NBEA: variants seen among roughly 807,000 people sequenced by gnomAD.
NBEA encodes neurobeachin.
In NBEA, 44 loss-of-function variants were observed where a neutral mutation model predicts 343.4. The observed-to-expected ratio is 0.13, with a 90% CI of 0.10 to 0.16. The LOEUF is 0.16. NBEA is among the 10% of genes least tolerant of loss of function. The pLI, the probability that NBEA is intolerant of heterozygous loss-of-function variation, is 1.00. For synonymous variants in NBEA, 1,175 were observed against 1,238.7 expected (o/e 0.95, Z 1.08); for missense variants, 2,555 against 3,631.3 (o/e 0.70, Z 7.62).
chr13:35,013,557 G>A (rs771999870), intron 1 of NBEA, among the ~76,000 whole-genome samples: 1 of 150,496 alleles, frequency 6.6e-6, no homozygotes, highest in Non-Finnish European at 1.5e-5. Flanking sequence ...TGCAACCTCT[G>A]CCTCCCAGGT....
intron 34 of NBEA, among the ~76,000 whole-genome samples, chr13:35,234,793 T>C (rs922547609): frequency 6.6e-6 from 1 of 152,174 alleles, no homozygotes; most frequent in African/African-American, 2.4e-5. Context: ...TTACCTAGCA[T>C]AGACATCTAA....
At chr13:35,483,671 A>G (rs1357849666) in intron 41 of NBEA, among the ~76,000 whole-genome samples, 2 of 152,080 alleles carry the variant, frequency 1.3e-5, no homozygotes, top group African/African-American at 4.8e-5. Context: ...TTCCCCCAAG[A>G]TATACAAATT....
chr13:35,278,885 T>A (rs1172727419), intron 34 of NBEA, among the ~76,000 whole-genome samples: 1 of 152,222 alleles, frequency 6.6e-6, no homozygotes, highest in African/African-American at 2.4e-5. Context: ...ACATACAATA[T>A]GTAAAAGAAT....
intron 34 of NBEA, among the ~76,000 whole-genome samples, chr13:35,260,426 C>T (rs1367228107): frequency 2.0e-5 from 3 of 152,180 alleles, no homozygotes; most frequent in African/African-American, 7.2e-5. Context: ...GAACAGTAGG[C>T]CTCAGATAAC....
chr13:35,070,582 T>C, intron 9 of NBEA, 137 bp from the exon 10 acceptor site: 1 of 759,018 alleles, frequency 1.3e-6, no homozygotes, highest in Non-Finnish European at 1.9e-6. Context: ...GTCTTATATG[T>C]GTATAAAAAT....
intron 34 of NBEA, among the ~76,000 whole-genome samples, chr13:35,238,892 A>G (rs1405217627): frequency 6.6e-6 from 1 of 152,140 alleles, no homozygotes; most frequent in Non-Finnish European, 1.5e-5. Flanking sequence ...CCTTCACCAA[A>G]GAGGATATCA....
In NBEA at chr13:35,475,263, G is replaced by C. The variant is rs764311301; in HGVS notation, c.6585+2727G>C. The stretch of plus-strand genomic sequence containing the variant: ...TCAGCCGATCACCCAGGCAAGACTC[G>C]TCCCAGTCCGACTCTCGGGGATGCT... On this transcript the variant is annotated intron_variant, in intron 41 of 58. Transcript: ENST00000379939. 11 of 1,614,000 alleles carry C rather than the reference G, an allele frequency of 6.8e-6. No individual in the cohort carries two copies. The Admixed American group carries it at 1.3e-4, about 20-fold the overall frequency.
chr13:35,206,402 A>G (rs1272255640), intron 31 of NBEA, among the ~76,000 whole-genome samples: 3 of 152,162 alleles, frequency 2.0e-5, no homozygotes, highest in Non-Finnish European at 1.5e-5. Flanking sequence ...TTCTAAAAAA[A>G]TCATGAGAGA....
At chr13:35,257,422 T>C (rs2032738691) in intron 34 of NBEA, among the ~76,000 whole-genome samples, 1 of 152,224 alleles carries the variant, frequency 6.6e-6, no homozygotes, top group South Asian at 2.1e-4. Flanking sequence ...CATAAAATAG[T>C]CACCTAACTT....
chr13:35,456,213 A>G (rs896200201), intron 40 of NBEA, among the ~76,000 whole-genome samples: 1 of 151,976 alleles, frequency 6.6e-6, no homozygotes, highest in Admixed American at 6.6e-5. Flanking sequence ...AAAATGTTCC[A>G]CAAAATTCTA....
rs1380364081 is a variant in NBEA at position 34,944,543 on chromosome 13, T to TCAAACTTACA, written c.294+1429_294+1430insCAAACTTACA. Among the ~76,000 whole-genome samples, 188 of 152,328 alleles carry TCAAACTTACA rather than the reference T, an allele frequency of 1.2e-3. 3 individuals carry two copies. In the East Asian group the frequency reaches 0.033, roughly 26 times the overall value. ...CAAATAAATCATCATGAAAAGTCAG[T>TCAAACTTACA]GTAAGTTTGAGGGAATGTCACTAAG... On this transcript the variant is annotated intron_variant, in intron 1 of 58. Transcript: ENST00000379939.
chr13:35,041,956 G>A (rs944761170), intron 2 of NBEA, among the ~76,000 whole-genome samples: 1 of 151,818 alleles, frequency 6.6e-6, no homozygotes, highest in Non-Finnish European at 1.5e-5. Context: ...TGACATAAAA[G>A]CATTTTCATA....
At position 35,117,994 on chromosome 13, in the gene NBEA, A is replaced by G. The variant is rs370027034; in HGVS notation, c.2083-234A>G. Among the ~76,000 whole-genome samples the G allele has an allele frequency of 4.6e-5, 7 of 152,160 alleles. No homozygotes were observed. The East Asian group carries it at 1.4e-3, about 29-fold the overall frequency. ...GATGGTCAAAATATGCTAACTTTTT[A>G]TAGTGAATGTCAATCAAATACTAAT... On this transcript the variant is annotated intron_variant, in intron 14 of 58. Transcript: ENST00000379939.
intron 1 of NBEA, among the ~76,000 whole-genome samples, chr13:35,030,997 T>A (rs970397645): frequency 2.6e-5 from 4 of 151,442 alleles, no homozygotes; most frequent in Admixed American, 6.6e-5. Flanking sequence ...TATTTACATA[T>A]GTAATTATTT....
At chr13:35,389,970 AGTGTGT>A (rs10523765) in intron 38 of NBEA, among the ~76,000 whole-genome samples, 5 of 138,048 alleles carry the variant, frequency 3.6e-5, no homozygotes, top group South Asian at 2.5e-4. Flanking sequence ...TCTTTTGTAG[AGTGTGT>A]GTGTGTGTGT....
intron 38 of NBEA, among the ~76,000 whole-genome samples, chr13:35,427,415 C>T (rs1230846630): frequency 6.6e-6 from 1 of 152,176 alleles, no homozygotes; most frequent in Non-Finnish European, 1.5e-5. Flanking sequence ...CCCTGTTTGC[C>T]TGGGTATCAG....
chr13:35,053,171 T>C (rs568560209), intron 6 of NBEA, among the ~76,000 whole-genome samples: 47 of 152,278 alleles, frequency 3.1e-4, no homozygotes, highest in African/African-American at 1.1e-3. Context: ...TCTTTAACTA[T>C]GGAGCAGATC....
Position 35,495,062 on chromosome 13 carries a change from A to C in NBEA, c.6585+22526A>C, listed in dbSNP as rs2076630468. 6.6e-5 allele frequency among the ~76,000 whole-genome samples: 10 copies of C among 152,118 alleles called. No individual in the cohort carries two copies. In the South Asian group the frequency reaches 2.1e-3, roughly 31 times the overall value. On this transcript the variant is annotated intron_variant, in intron 41 of 58. Transcript: ENST00000379939. ...ATCAGAGACTGTCGACTGAATTAAA[A>C]TAAAAATAAGATCCAACTCTGTGCT...
chr13:35,261,003 C>T (rs2033161115), intron 34 of NBEA, among the ~76,000 whole-genome samples: 1 of 152,000 alleles, frequency 6.6e-6, no homozygotes, highest in Admixed American at 6.6e-5. Context: ...AGAACAAAGC[C>T]CAACACATTT....
Sources: allele counts gnomAD v4.1 joint callset (sites outside exome capture counted in the v4.1 genomes callset), GRCh38; gene constraint gnomAD v4.1.1; transcripts MANE v1.5; gene names NCBI Gene and HGNC (gene_info 2026-07-23, HGNC 2026-07-21).